Variants in ABHD4 observed in about 807,000 individuals in gnomAD.
ABHD4 encodes the protein (Lyso)-N-acylphosphatidylethanolamine lipase.
In ABHD4, 35 loss-of-function variants were observed where a neutral mutation model predicts 42.3. That is an observed-to-expected ratio of 0.83 (90% CI 0.63 to 1.10). ABHD4 has a LOEUF of 1.10. Among genes scored for constraint, ABHD4 ranks in the 50% least tolerant of loss-of-function variants. ABHD4 has a pLI of 0.00. For synonymous variants in ABHD4, 169 were observed against 170.6 expected, an observed-to-expected ratio of 0.99 and a Z score of 0.07; for missense variants, 389 against 454.8, an observed-to-expected ratio of 0.86 and a Z score of 1.32.
chr14:22,605,827 G>A (rs1378411665), intron 4 of ABHD4: 31 of 1,289,058 alleles, frequency 2.4e-5, no homozygotes, highest in Non-Finnish European at 2.9e-5. Context: ...GGGATCAGAA[G>A]TTGACCAGTA....
intron 2 of ABHD4, among the ~76,000 whole-genome samples, chr14:22,602,342 C>T (rs893191843): frequency 1.3e-5 from 2 of 152,216 alleles, no homozygotes; most frequent in African/African-American, 4.8e-5. Flanking sequence ...CCATATTTCC[C>T]TTATGATCTT....
At chr14:22,598,571 C>A in intron 1 of ABHD4, 1 of 1,140,154 alleles carries the variant, frequency 8.8e-7, no homozygotes, top group Non-Finnish European at 1.3e-6. Flanking sequence ...TGGCTTTCTA[C>A]CTTAGTCCTC....
intron 4 of ABHD4, among the ~76,000 whole-genome samples, chr14:22,605,515 G>A (rs1227796968): frequency 2.0e-5 from 3 of 152,314 alleles, no homozygotes; most frequent in African/African-American, 7.2e-5. Flanking sequence ...CCAAGACACG[G>A]GTGCCAAAGG....
intron 5 of ABHD4, among the ~76,000 whole-genome samples, chr14:22,609,081 T>C (rs931605724): frequency 2.0e-5 from 3 of 151,988 alleles, no homozygotes; most frequent in African/African-American, 7.3e-5. Flanking sequence ...CACTGCAACC[T>C]CTGTCTCCCA....
intron 1 of ABHD4, among the ~76,000 whole-genome samples, chr14:22,600,834 GT>G (rs1299405058): frequency 4.0e-4 from 12 of 29,978 alleles, no homozygotes; most frequent in Non-Finnish European, 6.4e-4. Context: ...GCAGGGGGGT[GT>G]GTGTGTGTGT....
chr14:22,611,059 A>G lies in ABHD4; in HGVS notation c.*111A>G, dbSNP rs1343764071. 5 of 931,912 alleles carry G rather than the reference A, an allele frequency of 5.4e-6. No homozygotes were observed. The African/African-American group carries it at 6.5e-5, about 12-fold the overall frequency. The allele number at this position is 931,912 out of a possible 1,614,324, so 57.7% of individuals were successfully genotyped here. A position where few individuals can be genotyped will look rare whatever the true frequency, so the allele number is the denominator to read the frequency against. On this transcript the variant is annotated 3_prime_UTR_variant, in exon 7 of 7. Transcript: ENST00000428304. Reference sequence around the variant, plus strand: ...ACCAACTAACATGTGCCAGCCAGGCAGAGTCTTGTGCTGTTCCCAGAACAG... The same window carrying G: ...ACCAACTAACATGTGCCAGCCAGGCGGAGTCTTGTGCTGTTCCCAGAACAG...
intron 1 of ABHD4, 83 bp from the exon 2 acceptor site, chr14:22,601,584 T>A (rs1355279118): frequency 7.4e-7 from 1 of 1,349,808 alleles, no homozygotes; most frequent in African/African-American, 1.4e-5. Context: ...TCCTGAGAAC[T>A]CTTTTGTAAC....
chr14:22,609,558 G>C, intron 5 of ABHD4, 166 bp from the exon 6 acceptor site: 1 of 642,620 alleles, frequency 1.6e-6, no homozygotes, highest in East Asian at 2.8e-5. Context: ...TGTGATGGGA[G>C]GCCTCTGGAA....
intron 4 of ABHD4, chr14:22,605,705 G>T: frequency 1.5e-6 from 1 of 650,024 alleles, no homozygotes; most frequent in African/African-American, 1.9e-5. Flanking sequence ...GACTATGCAG[G>T]AGGGAGGGCC....
chr14:22,609,586 T>C lies in ABHD4; in HGVS notation c.753-138T>C. ...CTCTGGAATTTTGGTCTTCCCCTAATCTTACCAATATTTAATGAGCCCAGT... is the reference window on the plus strand; with the variant it reads ...CTCTGGAATTTTGGTCTTCCCCTAACCTTACCAATATTTAATGAGCCCAGT... On this transcript the variant is annotated intron_variant, in intron 5 of 6. Transcript: ENST00000428304. 3.1e-6 allele frequency: 3 copies of C among 969,280 alleles called. No individual in the cohort carries two copies. The East Asian group carries it at 7.8e-5, about 25-fold the overall frequency. 60.0% of individuals were successfully genotyped at this position (969,280 alleles called of 1,614,324 possible).
chr14:22,603,290 G>A, intron 2 of ABHD4, 100 bp from the exon 3 acceptor site: 1 of 1,478,286 alleles, frequency 6.8e-7, no homozygotes, highest in Non-Finnish European at 9.3e-7. Context: ...GTTGGGGAGG[G>A]TTCGGGAATG....
At chr14:22,605,227 C>T (rs1196332147) in intron 4 of ABHD4, among the ~76,000 whole-genome samples, 1 of 152,202 alleles carries the variant, frequency 6.6e-6, no homozygotes, top group African/African-American at 2.4e-5. Flanking sequence ...CTCACACTGC[C>T]AGCACCCTTC....
intron 1 of ABHD4, among the ~76,000 whole-genome samples, chr14:22,599,482 T>C (rs1016650538): frequency 1.3e-5 from 2 of 152,214 alleles, no homozygotes; most frequent in Non-Finnish European, 2.9e-5. Context: ...GCTGAATGTC[T>C]TTTCTGCTCC....
chr14:22,606,652 C>T (rs1274102184), intron 5 of ABHD4, 119 bp downstream of exon 5: 2 of 680,958 alleles, frequency 2.9e-6, no homozygotes, highest in Non-Finnish European at 5.1e-6. Flanking sequence ...GTTAGGTAAA[C>T]ACAGGCACTA....
At chr14:22,599,364 T>A (rs1029983960) in intron 1 of ABHD4, among the ~76,000 whole-genome samples, 1 of 152,196 alleles carries the variant, frequency 6.6e-6, no homozygotes, top group Non-Finnish European at 1.5e-5. Flanking sequence ...TTAGGAGACT[T>A]GCCCAAGATC....
chr14:22,608,390 C>T (rs2139271716), intron 5 of ABHD4, among the ~76,000 whole-genome samples: 1 of 152,316 alleles, frequency 6.6e-6, no homozygotes, highest in East Asian at 1.9e-4. Flanking sequence ...GCCTTGTGGA[C>T]ACCTCATGAT....
At chr14:22,599,526 C>T (rs117536427) in intron 1 of ABHD4, among the ~76,000 whole-genome samples, 1,840 of 152,256 alleles carry the variant, frequency 0.012, 22 homozygotes, top group Non-Finnish European at 0.017. Context: ...CCTTACCTCC[C>T]GCATAGTTTT....
intron 1 of ABHD4, among the ~76,000 whole-genome samples, chr14:22,601,419 T>C (rs1470389770): frequency 6.6e-6 from 1 of 152,196 alleles, no homozygotes; most frequent in Non-Finnish European, 1.5e-5. Flanking sequence ...CTTTGTAAAC[T>C]CTAAAGTATT....
chr14:22,610,868 G>A lies in ABHD4; in HGVS notation c.949G>A (p.Gly317Ser), dbSNP rs1331439771. ...GGTTCTCTCTCCACAGGAGATTAAG[G>A]GTGCCTCCCACCATGTCTATGCTGA... ...DSYVRDMEIK[G>S]ASHHVYADQP... Residue 317 changes from glycine to serine, a missense_variant, in exon 7 of 7, where the codon GGT (glycine) becomes AGT (serine). Coordinates refer to ENST00000428304, the MANE Select transcript of ABHD4 (RefSeq NM_022060.3). 2 of 1,613,974 alleles carry A rather than the reference G, an allele frequency of 1.2e-6. No homozygotes were observed. The highest frequency in any genetic ancestry group is 1.7e-6 in the Non-Finnish European group (2 of 1,179,944).
Sources: gnomAD v4.1 joint callset for allele counts (sites outside exome capture counted in the v4.1 genomes callset) on GRCh38, gnomAD v4.1.1 for gene constraint, MANE v1.5 for transcripts, NCBI Gene and HGNC (gene_info 2026-07-23, HGNC 2026-07-21) for gene names.